ARHGAP10: variants seen among roughly 807,000 people sequenced by gnomAD.
ARHGAP10 encodes the protein Rho GTPase activating protein 10.
ARHGAP10 carries 87 observed loss-of-function variants against 108.6 expected under a neutral mutation model. That is an observed-to-expected ratio of 0.80 (90% CI 0.67 to 0.96). The LOEUF (loss-of-function observed/expected upper bound fraction) is 0.96. Among genes scored for constraint, ARHGAP10 ranks in the 40% least tolerant of loss-of-function variants. The pLI, the probability that ARHGAP10 is intolerant of heterozygous loss-of-function variation, is 0.00. For missense variants in ARHGAP10, 939 were observed against 954.5 expected (o/e 0.98, Z 0.21); for synonymous variants, 347 against 341.1 (o/e 1.02, Z -0.19).
intron 3 of ARHGAP10, among the ~76,000 whole-genome samples, chr4:147,841,043 A>G (rs528479277): frequency 6.6e-6 from 1 of 152,354 alleles, no homozygotes; most frequent in African/African-American, 2.4e-5. Context: ...TGGACCCATC[A>G]TTCATATGCT....
intron 1 of ARHGAP10, among the ~76,000 whole-genome samples, chr4:147,803,418 T>A (rs1292827415): frequency 6.6e-6 from 1 of 152,250 alleles, no homozygotes; most frequent in Non-Finnish European, 1.5e-5. Context: ...GTAATTGGGA[T>A]ATCTATTGCC....
chr4:147,841,896 C>T (rs776279989), intron 3 of ARHGAP10, among the ~76,000 whole-genome samples: 28 of 152,024 alleles, frequency 1.8e-4, no homozygotes, highest in African/African-American at 6.3e-4. Flanking sequence ...ATTTGCTTAC[C>T]GATCTGAAGA....
chr4:147,831,492 T>C (rs1732951897), intron 3 of ARHGAP10, among the ~76,000 whole-genome samples: 2 of 152,256 alleles, frequency 1.3e-5, no homozygotes, highest in Admixed American at 1.3e-4. Context: ...AAGCTTGTTT[T>C]AATCAGTTCT....
intron 1 of ARHGAP10, among the ~76,000 whole-genome samples, chr4:147,737,732 G>A (rs1280268010): frequency 6.6e-6 from 1 of 152,158 alleles, no homozygotes; most frequent in South Asian, 2.1e-4. Flanking sequence ...AATGTAGACC[G>A]GCTGTGAAAA....
chr4:148,063,451 A>G (rs1409625015), intron 21 of ARHGAP10, 151 bp downstream of exon 21: 1 of 1,092,856 alleles, frequency 9.2e-7, no homozygotes, highest in African/African-American at 1.6e-5. Context: ...ACCACCTTGT[A>G]TCAGGGCCGT....
chr4:147,833,537 A>G (rs1733038389), intron 3 of ARHGAP10, among the ~76,000 whole-genome samples: 1 of 152,218 alleles, frequency 6.6e-6, no homozygotes, highest in Non-Finnish European at 1.5e-5. Context: ...TTCATGTGGG[A>G]AAAACCAGAT....
chr4:147,815,242 A>C (rs1399900684), intron 1 of ARHGAP10, among the ~76,000 whole-genome samples: 1 of 152,166 alleles, frequency 6.6e-6, no homozygotes, highest in Non-Finnish European at 1.5e-5. Flanking sequence ...GACCTTGGGC[A>C]AGTTGGGTAA....
intron 20 of ARHGAP10, among the ~76,000 whole-genome samples, chr4:148,057,877 G>C (rs1729428557): frequency 6.6e-6 from 1 of 152,244 alleles, no homozygotes; most frequent in Non-Finnish European, 1.5e-5. Flanking sequence ...GAAGTCCTCA[G>C]ACTGTAAATG....
At chr4:147,798,192 G>T (rs1731394877) in intron 1 of ARHGAP10, among the ~76,000 whole-genome samples, 1 of 151,034 alleles carries the variant, frequency 6.6e-6, no homozygotes, top group South Asian at 2.1e-4. Context: ...TAAATGTAGT[G>T]TGTGGACCGT....
Position 147,984,742 on chromosome 4 carries a change from C to A in ARHGAP10, c.1716+17903C>A, listed in dbSNP as rs530134774. On this transcript the variant is annotated intron_variant, in intron 18 of 22. Coordinates refer to ENST00000336498, the MANE Select transcript of ARHGAP10 (RefSeq NM_024605.4). ...TGTGTTGTGCCATTCAACGTCCAGGCCAAGAAGTGGCTTTTGGGTTAAGAG... is the reference window on the plus strand; with the variant it reads ...TGTGTTGTGCCATTCAACGTCCAGGACAAGAAGTGGCTTTTGGGTTAAGAG... Among the ~76,000 whole-genome samples the A allele has an allele frequency of 2.6e-5, 4 of 152,292 alleles. No homozygotes were observed. In the South Asian group the frequency reaches 6.2e-4, roughly 24 times the overall value.
chr4:147,933,894 C>T (rs1408719709), intron 13 of ARHGAP10, among the ~76,000 whole-genome samples: 1 of 152,104 alleles, frequency 6.6e-6, no homozygotes, highest in South Asian at 2.1e-4. Flanking sequence ...TGAGATTGTT[C>T]CCTGATTGCA....
chr4:148,021,280 C>G (rs1245003570), intron 18 of ARHGAP10, among the ~76,000 whole-genome samples: 1 of 152,126 alleles, frequency 6.6e-6, no homozygotes, highest in African/African-American at 2.4e-5. Context: ...ACACCCTTTC[C>G]CCAACACCCT....
chr4:147,946,518 T>C lies in ARHGAP10; in HGVS notation c.1304-99T>C, dbSNP rs1738385595. ...GTTTTCCTAGGAAACTGCAGGATTG[T>C]GGTTTGCCCATTTAAAAATGGAAGC... is the stretch of plus-strand genomic sequence containing the variant. On this transcript the variant is annotated intron_variant, in intron 14 of 22. Transcript: ENST00000336498. 3.6e-6 allele frequency: 3 copies of C among 837,214 alleles called. No homozygotes were observed. The East Asian group carries it at 8.1e-5, about 23-fold the overall frequency. The allele number at this position is 837,214 out of a possible 1,614,324, so 51.9% of individuals were successfully genotyped here. A position where few individuals can be genotyped will look rare whatever the true frequency, so the allele number is the denominator to read the frequency against.
At chr4:147,868,328 C>G (rs1462434752) in intron 7 of ARHGAP10, among the ~76,000 whole-genome samples, 1 of 151,514 alleles carries the variant, frequency 6.6e-6, no homozygotes, top group Non-Finnish European at 1.5e-5. Flanking sequence ...CCTCAACCTC[C>G]TAGGCTCAAG....
At chr4:147,923,894 C>T (rs376329700) in intron 13 of ARHGAP10, among the ~76,000 whole-genome samples, 4 of 152,122 alleles carry the variant, frequency 2.6e-5, no homozygotes, top group Non-Finnish European at 4.4e-5. Context: ...TTACCAATTG[C>T]GCATTAATTT....
intron 1 of ARHGAP10, among the ~76,000 whole-genome samples, chr4:147,819,480 G>A (rs1732392693): frequency 1.3e-5 from 2 of 151,276 alleles, no homozygotes; most frequent in African/African-American, 4.9e-5. Context: ...TTTGGAAATA[G>A]GTACATGAAA....
At chr4:147,893,009 G>A (rs992009045) in intron 10 of ARHGAP10, among the ~76,000 whole-genome samples, 1 of 152,146 alleles carries the variant, frequency 6.6e-6, no homozygotes, top group African/African-American at 2.4e-5. Context: ...CTGATTTAAT[G>A]CATGTGATAA....
intron 10 of ARHGAP10, among the ~76,000 whole-genome samples, chr4:147,886,847 C>A (rs189546992): frequency 6.6e-6 from 1 of 152,082 alleles, no homozygotes; most frequent in South Asian, 2.1e-4. Flanking sequence ...CTCTGCTCAC[C>A]GCAACCTCCG....
At chr4:148,036,106 A>G (rs868697652) in intron 19 of ARHGAP10, among the ~76,000 whole-genome samples, 1,530 of 131,510 alleles carry the variant, frequency 0.012, 22 homozygotes, top group African/African-American at 0.041. Flanking sequence ...GTGTGTGTGT[A>G]TACTTTTCCA....
Sources: gnomAD v4.1 joint callset for allele counts (sites outside exome capture counted in the v4.1 genomes callset) on GRCh38, gnomAD v4.1.1 for gene constraint, MANE v1.5 for transcripts, NCBI Gene and HGNC (gene_info 2026-07-23, HGNC 2026-07-21) for gene names.